STARD8: variants seen among roughly 807,000 people sequenced by gnomAD.
STARD8 encodes stAR-related lipid transfer protein 8.
A neutral mutation model predicts 69.4 loss-of-function variants in STARD8; 25 were observed. The ratio of observed to expected loss-of-function variants is 0.36; its 90% CI spans 0.26 to 0.50. STARD8 has a LOEUF of 0.50. STARD8 is among the 20% of genes least tolerant of loss of function. The pLI, the probability that STARD8 is intolerant of heterozygous loss-of-function variation, is 0.96. For missense variants in STARD8, 921 were observed against 932.5 expected (o/e 0.99, Z 0.16); for synonymous variants, 389 against 374.6 (o/e 1.04, Z -0.45).
At chrX:68,652,928 CA>C (rs2079563666) in intron 1 of STARD8, among the ~76,000 whole-genome samples, 4 of 66,045 alleles carry the variant, frequency 6.1e-5, no homozygotes, top group Non-Finnish European at 1.2e-4. Flanking sequence ...ACACACATCA[CA>C]CACACCACAC....
intron 1 of STARD8, among the ~76,000 whole-genome samples, chrX:68,653,091 A>C (rs1602535010): frequency 2.7e-5 from 1 of 37,274 alleles, no homozygotes; most frequent in African/African-American, 1.3e-4. Flanking sequence ...CACACCACAC[A>C]CCACACACAC....
chrX:68,716,624 CT>C (rs1281812880), intron 5 of STARD8, among the ~76,000 whole-genome samples, 193 bp downstream of exon 5: 22 of 107,636 alleles, frequency 2.0e-4, no homozygotes, highest in African/African-American at 2.7e-4. Flanking sequence ...TGCTTTCTTG[CT>C]TTTTTTTTTC....
chrX:68,687,815 C>T (rs1365150937), intron 2 of STARD8, among the ~76,000 whole-genome samples: 2 of 111,985 alleles, frequency 1.8e-5, no homozygotes, highest in Non-Finnish European at 3.8e-5. Context: ...CCATCCACCC[C>T]GGAAGCCTGG....
chrX:68,712,661 A>G (rs901183309), intron 2 of STARD8, among the ~76,000 whole-genome samples: 1 of 111,617 alleles, frequency 9.0e-6, no homozygotes, highest in Non-Finnish European at 1.9e-5. Context: ...GGTTTGGAAC[A>G]GGCAGGGAAT....
chrX:68,723,618 G>A lies in STARD8; in HGVS notation c.2800-8G>A, dbSNP rs1349190225. On this transcript the variant is annotated splice_polypyrimidine_tract_variant and splice_region_variant and intron_variant, in intron 12 of 14. Coordinates refer to ENST00000374599, the MANE Select transcript of STARD8 (RefSeq NM_001142503.3). ...AGCTGCCCCCATCCCCACTCCTGTG[G>A]CTCACAGGCACCGGATGGGCACCCC... 8.5e-7 allele frequency: 1 copy of A among 1,179,477 alleles called. No individual in the cohort carries two copies.
intron 3 of STARD8, among the ~76,000 whole-genome samples, chrX:68,714,539 T>G (rs753292375): frequency 1.8e-5 from 2 of 112,419 alleles, no homozygotes; most frequent in Non-Finnish European, 3.8e-5. Flanking sequence ...ACTATCATGC[T>G]GGCTGATGTC....
chrX:68,716,260 C>T lies in STARD8; in HGVS notation c.234-108C>T, dbSNP rs1028737859. 3.7e-5 allele frequency: 26 copies of T among 711,323 alleles called. No individual in the cohort carries two copies. The Admixed American group carries it at 4.7e-4, about 13-fold the overall frequency. The allele number at this position is 711,323 out of a possible 1,213,427, so 58.6% of individuals were successfully genotyped here. On this transcript the variant is annotated intron_variant, in intron 4 of 14. Coordinates refer to ENST00000374599, the MANE Select transcript of STARD8 (RefSeq NM_001142503.3). ...AAACCTTCACGAATATTGGAGCTTG[C>T]GAGAAGTTTTGATGGCTTGGGCATG...
intron 2 of STARD8, among the ~76,000 whole-genome samples, chrX:68,696,659 C>T (rs1022478702): frequency 6.3e-5 from 7 of 111,580 alleles, no homozygotes; most frequent in Admixed American, 2.9e-4. Flanking sequence ...TCAAATTCTC[C>T]GACTCTGGGT....
chrX:68,716,556 T>G, intron 5 of STARD8, 125 bp downstream of exon 5: 1 of 635,720 alleles, frequency 1.6e-6, no homozygotes, highest in Non-Finnish European at 2.4e-6. Flanking sequence ...AGCAGTGCCT[T>G]TCCCCAGCTA....
chrX:68,659,587 C>T (rs1602543157), intron 1 of STARD8, among the ~76,000 whole-genome samples: 2 of 111,760 alleles, frequency 1.8e-5, no homozygotes, highest in South Asian at 3.8e-4. Context: ...GCGCCTCTCC[C>T]GGAAAGACTC....
At chrX:68,653,400 A>C (rs2079585662) in intron 1 of STARD8, among the ~76,000 whole-genome samples, 1 of 50,916 alleles carries the variant, frequency 2.0e-5, no homozygotes, top group Non-Finnish European at 3.6e-5. Context: ...CACCCCACAC[A>C]CACCACACAC....
rs766383354 is a variant in STARD8, at chrX:68,724,033, C to T, written c.3106C>T (p.Arg1036Ter). The T allele has an allele frequency of 5.0e-6, 6 of 1,211,944 alleles. No homozygotes were observed. The highest frequency in any genetic ancestry group is 1.8e-5 in the South Asian group (1 of 57,010). The change falls in exon 14 of 15, where the codon CGA becomes TGA. Residue 1036 changes from arginine (R) to a stop codon, truncating the protein, a stop_gained. Coordinates refer to ENST00000374599, the MANE Select transcript of STARD8 (RefSeq NM_001142503.3). LOFTEE classifies it high-confidence loss of function. ...PEQPVPESGV[R>*]ALMLTSQYLM... ...ACAACCTGTGCCAGAGTCGGGTGTGCGAGCCCTCATGCTCACATCCCAGTA... is the reference window on the plus strand; with the variant it reads ...ACAACCTGTGCCAGAGTCGGGTGTGTGAGCCCTCATGCTCACATCCCAGTA...
rs755939011 is a variant in STARD8 at position 68,677,891 on chromosome X, T to C, written c.79+12359T>C. Among the ~76,000 whole-genome samples, 11 of 86,855 alleles carry C rather than the reference T, an allele frequency of 1.3e-4. No individual in the cohort carries two copies. In the South Asian group the frequency reaches 6.9e-3, roughly 54 times the overall value. 75.4% of individuals were successfully genotyped at this position (86,855 alleles called of 115,157 possible). On this transcript the variant is annotated intron_variant, in intron 2 of 14. Coordinates refer to ENST00000374599, the MANE Select transcript of STARD8 (RefSeq NM_001142503.3). ...TATAGAGAGAGAGGAAGTAGAAAGA[T>C]GTGGCCAAGAAAATTCAATTTTCTG...
chrX:68,664,785 A>G (rs980430561), intron 1 of STARD8, among the ~76,000 whole-genome samples: 3 of 112,555 alleles, frequency 2.7e-5, no homozygotes, highest in Non-Finnish European at 5.6e-5. Flanking sequence ...TAAGGATCTC[A>G]TCTGTCTAGA....
At chrX:68,653,624 ACAC>A (rs200534262) in intron 1 of STARD8, among the ~76,000 whole-genome samples, 282 of 80,414 alleles carry the variant, frequency 3.5e-3, no homozygotes, top group African/African-American at 0.013. Flanking sequence ...ACACACACAC[ACAC>A]CCCACACACC....
At chrX:68,716,307 G>A in intron 4 of STARD8, 61 bp from the exon 5 acceptor site, 1 of 1,109,884 alleles carries the variant, frequency 9.0e-7, no homozygotes, top group Non-Finnish European at 1.2e-6. Flanking sequence ...GTGCATCTTG[G>A]TAGGCTCTGC....
rs2147944239 is a variant in STARD8 at position 68,724,662 on chromosome X, A to G, written c.*240A>G. The G allele has an allele frequency of 3.1e-6, 1 of 322,917 alleles. No homozygotes were observed. The allele number at this position is 322,917 out of a possible 1,213,427, so 26.6% of individuals were successfully genotyped here. On this transcript the variant is annotated 3_prime_UTR_variant, in exon 15 of 15. Transcript: ENST00000374599. ...CCAACCCTGTATTCTACTCTCCCGA[A>G]AAGAGAAGAGAATCGCATGAGTAGC...
chrX:68,721,950 G>A, intron 10 of STARD8, 97 bp from the exon 11 acceptor site: 1 of 899,808 alleles, frequency 1.1e-6, no homozygotes, highest in Non-Finnish European at 1.5e-6. Flanking sequence ...GCCAGGTTTG[G>A]CAAAGTGGCT....
At position 68,725,166 on chromosome X, in the gene STARD8, G is replaced by A. The variant is rs909915622; in HGVS notation, c.*744G>A. On this transcript the variant is annotated 3_prime_UTR_variant, in exon 15 of 15. Coordinates refer to ENST00000374599, the MANE Select transcript of STARD8 (RefSeq NM_001142503.3). ...CCTGACTTGGGTTTCACACTTTATC[G>A]ACCACCCCATGGGGTCCTGTGTAGC... 2 of 110,858 alleles carry A rather than the reference G, an allele frequency of 1.8e-5. No individual in the cohort carries two copies. The highest frequency in any genetic ancestry group is 3.3e-5 in the African/African-American group (1 of 30,392). 9.1% of individuals were successfully genotyped at this position (110,858 alleles called of 1,213,427 possible).
Sources: allele counts gnomAD v4.1 joint callset (sites outside exome capture counted in the v4.1 genomes callset), GRCh38; gene constraint gnomAD v4.1.1; transcripts MANE v1.5; gene names NCBI Gene and HGNC (gene_info 2026-07-23, HGNC 2026-07-21).